Variants in RNF122 observed in about 807,000 individuals in gnomAD.
RNF122 encodes the protein ring finger protein 122.
A neutral mutation model predicts 24.2 loss-of-function variants in RNF122; 17 were observed. The ratio of observed to expected loss-of-function variants is 0.70; its 90% confidence interval spans 0.48 to 1.06. The LOEUF (loss-of-function observed/expected upper bound fraction) is 1.06. Ranked by LOEUF, RNF122 falls within the 50% of genes least tolerant of loss-of-function variation. The probability of loss-of-function intolerance (pLI) is 0.00; values close to 1 mark genes in which losing one functional copy is unlikely to be tolerated. For missense variants in RNF122, 168 were observed against 198.1 expected (o/e 0.85, Z 0.91); for synonymous variants, 65 against 71.8 (o/e 0.91, Z 0.48).
intron 1 of RNF122, among the ~76,000 whole-genome samples, chr8:33,564,633 G>A (rs556348600): frequency 6.6e-6 from 1 of 152,274 alleles, no homozygotes; most frequent in African/African-American, 2.4e-5. Context: ...AGCACTTTGG[G>A]AGGCTGAGGT....
At chr8:33,561,396 C>A (rs1190643044) in intron 1 of RNF122, among the ~76,000 whole-genome samples, 1 of 152,138 alleles carries the variant, frequency 6.6e-6, no homozygotes, top group Non-Finnish European at 1.5e-5. Flanking sequence ...TCCATTCAAA[C>A]CTCTTTCAGG....
Position 33,566,718 on chromosome 8 carries a change from G to C in RNF122, c.6C>G (p.His2Gln), listed in dbSNP as rs1378733657. Residue 2 changes from histidine (H) to glutamine (Q), a missense_variant, in exon 1 of 6, where the codon CAC (histidine) becomes CAG (glutamine). By Grantham distance (24) the His-to-Gln change is conservative. Coordinates refer to ENST00000256257, the MANE Select transcript of RNF122 (RefSeq NM_024787.3). Reference protein sequence around the residue: MHPFQWCNGCFC... With the variant: MQPFQWCNGCFC... The stretch of plus-strand genomic sequence containing the variant: ...ACTCACCGTTACACCACTGGAATGG[G>C]TGCATCAATGAAGTCGCGGTTGGCT... 1 of 1,605,678 alleles carries C rather than the reference G, an allele frequency of 6.2e-7. No individual in the cohort carries two copies. The highest frequency in any genetic ancestry group is 8.5e-7 in the Non-Finnish European group (1 of 1,176,938).
In RNF122 at chr8:33,558,718, G is replaced by C; in HGVS notation, c.79C>G (p.Pro27Ala). 6.2e-7 allele frequency: 1 copy of C among 1,611,236 alleles called. No individual in the cohort carries two copies. The highest frequency in any genetic ancestry group is 8.5e-7 in the Non-Finnish European group (1 of 1,178,048). Residue 27 changes from proline to alanine, a missense_variant, in exon 2 of 6, where the codon CCC becomes GCC. Physicochemically the swap from Pro to Ala is conservative, Grantham distance 27. Coordinates refer to ENST00000256257, the MANE Select transcript of RNF122 (RefSeq NM_024787.3). ...AGCGGAAGGTCCTGGAAACTGATGG[G>C]TGGCATCGAGCAGGACTTGTTGGTG... ...VSTNKSCSMP[P>A]ISFQDLPLNI...
chr8:33,558,859 C>G (rs189007538), intron 1 of RNF122, 88 bp from the exon 2 acceptor site: 1 of 1,107,638 alleles, frequency 9.0e-7, no homozygotes, highest in East Asian at 2.5e-5. Context: ...AAATAACTGG[C>G]AGGCTCTGGG....
intron 1 of RNF122, among the ~76,000 whole-genome samples, chr8:33,563,953 G>T (rs1212636549): frequency 1.3e-5 from 2 of 152,098 alleles, no homozygotes; most frequent in African/African-American, 4.8e-5. Context: ...CCTGATAAAG[G>T]CTTCCCCTTT....
intron 5 of RNF122, among the ~76,000 whole-genome samples, 185 bp downstream of exon 5, chr8:33,549,225 A>G (rs1413452886): frequency 6.6e-6 from 1 of 152,036 alleles, no homozygotes; most frequent in African/African-American, 2.4e-5. Flanking sequence ...CCAACTCAAA[A>G]AAAAAAGAAG....
chr8:33,548,577 G>A lies in RNF122; in HGVS notation c.*176C>T. The A allele has an allele frequency of 1.9e-6, 1 of 535,814 alleles. No individual in the cohort carries two copies. The highest frequency in any genetic ancestry group is 3.0e-5 in the Admixed American group (1 of 32,798). 33.2% of individuals were successfully genotyped at this position (535,814 alleles called of 1,614,324 possible). A position where few individuals can be genotyped will look rare whatever the true frequency, so the allele number is the denominator to read the frequency against. On this transcript the variant is annotated 3_prime_UTR_variant, in exon 6 of 6. Transcript: ENST00000256257. ...GAAGGCTTCAGGAGGCAGGAAGTGG[G>A]GGCACATCTGGCACTGGTCTTGCAC... is the stretch of plus-strand genomic sequence containing the variant.
At chr8:33,551,449 G>A in intron 2 of RNF122, 60 bp from the exon 3 acceptor site, 1 of 1,576,782 alleles carries the variant, frequency 6.3e-7, no homozygotes, top group Non-Finnish European at 8.7e-7. Flanking sequence ...CAAAGCAGGA[G>A]AGGCTGGCTG....
Position 33,551,064 on chromosome 8 carries a change from T to G in RNF122, c.250A>C (p.Lys84Gln), listed in dbSNP as rs759848649. 1.2e-6 allele frequency: 2 copies of G among 1,614,082 alleles called. No homozygotes were observed. The highest frequency in any genetic ancestry group is 1.7e-6 in the Non-Finnish European group (2 of 1,180,002). Residue 84 changes from lysine (K) to glutamine (Q), a missense_variant, in exon 4 of 6, where the codon AAG (lysine) becomes CAG (glutamine). Coordinates refer to ENST00000256257, the MANE Select transcript of RNF122 (RefSeq NM_024787.3). ...CTTACCCCATATAATTGTAACTTCTTGGCATCACCTTTAAGCACCACCTGA... is the reference window on the plus strand; with the variant it reads ...CTTACCCCATATAATTGTAACTTCTGGGCATCACCTTTAAGCACCACCTGA... ...YKEVVLKGDA[K>Q]KLQLYGQTCA...
intron 4 of RNF122, 95 bp from the exon 5 acceptor site, chr8:33,549,587 C>T (rs1161445097): frequency 2.2e-6 from 2 of 895,604 alleles, no homozygotes; most frequent in Admixed American, 2.1e-5. Context: ...CTAGTCTGTT[C>T]TACCAGGCAG....
At chr8:33,557,312 C>G (rs1045897439) in intron 2 of RNF122, among the ~76,000 whole-genome samples, 1 of 152,146 alleles carries the variant, frequency 6.6e-6, no homozygotes, top group African/African-American at 2.4e-5. Context: ...AAATACCAGT[C>G]ATGCTCAAAA....
rs984112683 is a variant in RNF122, at chr8:33,558,714, A to G, written c.83T>C (p.Ile28Thr). 8.1e-6 allele frequency: 13 copies of G among 1,611,316 alleles called. No individual in the cohort carries two copies. The highest frequency in any genetic ancestry group is 1.3e-5 in the African/African-American group (1 of 74,886). The change falls in exon 2 of 6, where the codon ATC becomes ACC. Residue 28 changes from isoleucine (I) to threonine (T), a missense_variant. Ile to Thr is a moderately conservative substitution (Grantham distance 89). Transcript: ENST00000256257. ...STNKSCSMPP[I>T]SFQDLPLNIY... ...GTTGAGCGGAAGGTCCTGGAAACTG[A>G]TGGGTGGCATCGAGCAGGACTTGTT...
chr8:33,555,224 G>C (rs1195789372), intron 2 of RNF122, among the ~76,000 whole-genome samples: 1 of 151,850 alleles, frequency 6.6e-6, no homozygotes, highest in Non-Finnish European at 1.5e-5. Flanking sequence ...GTTTTTGAGA[G>C]GGAGTTTCAC....
chr8:33,551,354 C>A lies in RNF122; in HGVS notation c.218G>T (p.Gly73Val), dbSNP rs1451177555. The A allele has an allele frequency of 1.2e-6, 2 of 1,614,098 alleles. No homozygotes were observed. Among genetic ancestry groups the A allele is most frequent in the Admixed American group, 1.7e-5 (1 of 60,002 alleles). Residue 73 changes from glycine (G) to valine (V), a missense_variant, in exon 3 of 6, where the codon GGA becomes GTA. Transcript: ENST00000256257. ...LRNQAQSERY[G>V]YKEVVLKGDA... ...CACGCAGCACTTTACCTCCTTATAT[C>A]CGTATCGCTCACTCTGTGCCTGGTT...
At chr8:33,563,902 C>A (rs927495374) in intron 1 of RNF122, among the ~76,000 whole-genome samples, 1 of 152,132 alleles carries the variant, frequency 6.6e-6, no homozygotes. Flanking sequence ...CGATGGTCCC[C>A]GCAAGTCCTC....
chr8:33,549,434 G>T lies in RNF122; in HGVS notation c.329C>A (p.Pro110Gln). 1 of 1,614,100 alleles carries T rather than the reference G, an allele frequency of 6.2e-7. No individual in the cohort carries two copies. Among genetic ancestry groups the T allele is most frequent in the Non-Finnish European group, 8.5e-7 (1 of 1,179,962 alleles). The change falls in exon 5 of 6, where the codon CCG becomes CAG. Residue 110 changes from proline (P) to glutamine (Q), a missense_variant. Pro to Gln is a moderately conservative substitution (Grantham distance 76). Coordinates refer to ENST00000256257, the MANE Select transcript of RNF122 (RefSeq NM_024787.3). ...FKGKDELGVLPCQHAFHRKCL... is the reference protein window; with the variant it reads ...FKGKDELGVLQCQHAFHRKCL... ...CTTGCGGTGAAAGGCGTGTTGGCAC[G>T]GGAGCACGCCTAACTCATCCTTCCC...
At chr8:33,550,539 C>A (rs139189108) in intron 4 of RNF122, among the ~76,000 whole-genome samples, 163 of 151,096 alleles carry the variant, frequency 1.1e-3, no homozygotes, top group Non-Finnish European at 1.3e-3. Flanking sequence ...TTCCTCAAGT[C>A]AGAGTTGAGG....
At chr8:33,556,179 CAA>C (rs538829399) in intron 2 of RNF122, among the ~76,000 whole-genome samples, 18 of 33,990 alleles carry the variant, frequency 5.3e-4, no homozygotes, top group African/African-American at 1.0e-3. Flanking sequence ...GACCCTGTCT[CAA>C]AAAAAAAAAA....
chr8:33,562,778 C>T (rs1167350991), intron 1 of RNF122, among the ~76,000 whole-genome samples: 1 of 152,068 alleles, frequency 6.6e-6, no homozygotes, highest in Non-Finnish European at 1.5e-5. Flanking sequence ...CAAAAATTAG[C>T]TGGGTTTGGT....
Sources: allele counts gnomAD v4.1 joint callset (sites outside exome capture counted in the v4.1 genomes callset), GRCh38; gene constraint gnomAD v4.1.1; transcripts MANE v1.5; gene names NCBI Gene and HGNC (gene_info 2026-07-23, HGNC 2026-07-21).